Variants in CLEC4E observed in about 807,000 individuals in gnomAD.
CLEC4E encodes C-type (calcium dependent, carbohydrate-recognition domain) lectin, superfamily member 9.
A neutral mutation model predicts 24.7 loss-of-function variants in CLEC4E; 21 were observed. That is an observed-to-expected ratio of 0.85 (90% CI 0.60 to 1.22). CLEC4E has a LOEUF of 1.22. CLEC4E is among the 50% of genes most tolerant of loss of function. The probability of loss-of-function intolerance (pLI) is 0.00; values close to 1 mark genes in which losing one functional copy is unlikely to be tolerated. For missense variants in CLEC4E, 249 were observed against 254.1 expected, an observed-to-expected ratio of 0.98 and a Z score of 0.14; for synonymous variants, 94 against 85.7, an observed-to-expected ratio of 1.10 and a Z score of -0.54.
chr12:8,536,129 C>T lies in CLEC4E; in HGVS notation c.449G>A (p.Trp150Ter). 6.2e-7 allele frequency: 1 copy of T among 1,613,562 alleles called. No individual in the cohort carries two copies. Among genetic ancestry groups the T allele is most frequent in the South Asian group, 1.1e-5 (1 of 91,072 alleles). ...GLSDQVVEGQ[W>*]QWVDGTPLTK... ...CAAAGGTGTGCCGTCCACCCATTGC[C>T]ACTGACCCTCGACAACCTGGTCTGA... is the stretch of plus-strand genomic sequence containing the variant. Residue 150 changes from tryptophan to a stop codon, truncating the protein, a stop_gained, in exon 5 of 6, where the codon TGG becomes TAG. Transcript: ENST00000299663. LOFTEE classifies it low-confidence loss of function (END_TRUNC).
rs1940608839 is a variant in CLEC4E, at chr12:8,536,077, G to A, written c.488+13C>T. 1 of 1,533,608 alleles carries A rather than the reference G, an allele frequency of 6.5e-7. No individual in the cohort carries two copies. The highest frequency in any genetic ancestry group is 1.4e-5 in the African/African-American group (1 of 73,216). On this transcript the variant is annotated intron_variant, in intron 5 of 5. Transcript: ENST00000299663. ...GAGGTTTCAAGAACTCCTCTCAATA[G>A]GAGGGTAATTACCTCAGAGACTTTG...
At chr12:8,536,290 A>G (rs868668000) in intron 4 of CLEC4E, 85 bp from the exon 5 acceptor site, 2 of 764,548 alleles carry the variant, frequency 2.6e-6, no homozygotes, top group Middle Eastern at 5.1e-4. Flanking sequence ...AGAGGTAAGA[A>G]TCTGGATGAG....
intron 3 of CLEC4E, 73 bp from the exon 4 acceptor site, chr12:8,537,339 A>T (rs1940629636): frequency 7.0e-7 from 1 of 1,429,890 alleles, no homozygotes; most frequent in Admixed American, 1.9e-5. Flanking sequence ...ATCTGGCCCC[A>T]TGGAGTCCTC....
intron 4 of CLEC4E, 45 bp downstream of exon 4, chr12:8,537,070 G>C (rs552457608): frequency 6.3e-7 from 1 of 1,577,682 alleles, no homozygotes; most frequent in South Asian, 1.1e-5. Flanking sequence ...AAGAGAGGTG[G>C]ACCATGTCGG....
chr12:8,536,833 T>A (rs1240576261), intron 4 of CLEC4E, among the ~76,000 whole-genome samples: 1 of 152,236 alleles, frequency 6.6e-6, no homozygotes, highest in Non-Finnish European at 1.5e-5. Flanking sequence ...TCATATAATA[T>A]GTTCATAAAC....
downstream of CLEC4E, chr12:8,533,301 A>G (rs1940569500): frequency 6.6e-6 from 1 of 152,222 alleles, no homozygotes; most frequent in African/African-American, 2.4e-5. Flanking sequence ...TAATAACGTC[A>G]TCAGTATTGG....
Position 8,534,760 on chromosome 12 carries a change from C to G in CLEC4E, c.538G>C (p.Ala180Pro). The change falls in exon 6 of 6, where the codon GCC becomes CCC. Residue 180 changes from alanine (A) to proline (P), a missense_variant. By Grantham distance (27) the Ala-to-Pro change is conservative (BLOSUM62 -1). Transcript: ENST00000299663. ...GGGTTTGAAGAGTCTCTCATGGTGGCACAGTCCTCCAGGGTAGCTATGTTG... is the reference window on the plus strand; with the variant it reads ...GGGTTTGAAGAGTCTCTCATGGTGGGACAGTCCTCCAGGGTAGCTATGTTG... ...PNNIATLEDCATMRDSSNPRQ... is the reference protein window; with the variant it reads ...PNNIATLEDCPTMRDSSNPRQ... 1 of 1,614,116 alleles carries G rather than the reference C, an allele frequency of 6.2e-7. No individual in the cohort carries two copies. The highest frequency in any genetic ancestry group is 1.7e-5 in the Admixed American group (1 of 60,020).
chr12:8,537,073 C>A lies in CLEC4E; in HGVS notation c.372+42G>T, dbSNP rs769210743. ...CATATGTATGAAAAGAGAGGTGGACCATGTCGGGAATGTTACATTGGCATC... is the reference window on the plus strand; with the variant it reads ...CATATGTATGAAAAGAGAGGTGGACAATGTCGGGAATGTTACATTGGCATC... On this transcript the variant is annotated intron_variant, in intron 4 of 5. Coordinates refer to ENST00000299663, the MANE Select transcript of CLEC4E (RefSeq NM_014358.4). The A allele has an allele frequency of 2.5e-6, 4 of 1,582,342 alleles. No individual in the cohort carries two copies. The South Asian group carries it at 4.5e-5, about 18-fold the overall frequency.
Position 8,534,391 on chromosome 12 carries a change from TA to T in CLEC4E, c.*246del, listed in dbSNP as rs1940582873. ...CGAACACTAAAAAATGAGGCAAATGTAGCAAAAGGTAGTGAATTGCTTTGTA... is the reference window on the plus strand; with the variant it reads ...CGAACACTAAAAAATGAGGCAAATGTGCAAAAGGTAGTGAATTGCTTTGTA... On this transcript the variant is annotated 3_prime_UTR_variant, in exon 6 of 6. Transcript: ENST00000299663. 1 of 280,966 alleles carries T rather than the reference TA, an allele frequency of 3.6e-6. No homozygotes were observed. The highest frequency in any genetic ancestry group is 6.8e-5 in the East Asian group (1 of 14,604). The allele number at this position is 280,966 out of a possible 1,614,324, so 17.4% of individuals were successfully genotyped here.
At chr12:8,536,245 GT>G in intron 4 of CLEC4E, 40 bp from the exon 5 acceptor site, 1 of 1,184,894 alleles carries the variant, frequency 8.4e-7, no homozygotes, top group Non-Finnish European at 1.3e-6. Flanking sequence ...AGTTATTTTA[GT>G]TTTGAATAAA....
chr12:8,539,996 C>G (rs1481124990), intron 1 of CLEC4E, 49 bp from the exon 2 acceptor site: 1 of 1,143,148 alleles, frequency 8.7e-7, no homozygotes, highest in Non-Finnish European at 1.3e-6. Context: ...AAGCAAGGTA[C>G]AAAAGAGATA....
In CLEC4E at chr12:8,537,332, T is replaced by C; in HGVS notation, c.221-66A>G. 4.0e-6 allele frequency: 6 copies of C among 1,496,762 alleles called. No individual in the cohort carries two copies. The South Asian group carries it at 6.3e-5, about 16-fold the overall frequency. 92.7% of individuals were successfully genotyped at this position (1,496,762 alleles called of 1,614,324 possible). On this transcript the variant is annotated intron_variant, in intron 3 of 5. Coordinates refer to ENST00000299663, the MANE Select transcript of CLEC4E (RefSeq NM_014358.4). ...GAATAAGAAAACCCAAAGCTTCATC[T>C]GGCCCCATGGAGTCCTCATTTAAGT...
chr12:8,537,276 G>C lies in CLEC4E; in HGVS notation c.221-10C>G, dbSNP rs113024893. On this transcript the variant is annotated splice_polypyrimidine_tract_variant and intron_variant, in intron 3 of 5. Transcript: ENST00000299663. ...CAATTCTTGACTGAACCTAGGATGA[G>C]AGATGTTTCAGTGAGTGTCCCAGGT... 1 of 1,611,076 alleles carries C rather than the reference G, an allele frequency of 6.2e-7. No individual in the cohort carries two copies.
intron 4 of CLEC4E, among the ~76,000 whole-genome samples, chr12:8,536,605 G>A (rs1453257492): frequency 1.3e-5 from 2 of 152,136 alleles, no homozygotes; most frequent in Admixed American, 1.3e-4. Flanking sequence ...AAGTGAAACT[G>A]TAAGATCATG....
intron 4 of CLEC4E, 87 bp downstream of exon 4, chr12:8,537,028 A>G: frequency 8.3e-7 from 1 of 1,207,558 alleles, no homozygotes; most frequent in Non-Finnish European, 1.1e-6. Flanking sequence ...AACAATAGTC[A>G]TTGGGGGTCA....
At chr12:8,536,036 T>C (rs1224757678) in intron 5 of CLEC4E, 54 bp downstream of exon 5, 9 of 984,286 alleles carry the variant, frequency 9.1e-6, no homozygotes, top group South Asian at 1.3e-5. Flanking sequence ...ACCTGATCTA[T>C]TGCAGGTAAC....
rs553489041 is a variant in CLEC4E, at chr12:8,534,358, C to G, written c.*280G>C. ...TCTGTCTTGGCTCCGTGTCCCTGTACTTTCATACGAACACTAAAAAATGAG... is the reference window on the plus strand; with the variant it reads ...TCTGTCTTGGCTCCGTGTCCCTGTAGTTTCATACGAACACTAAAAAATGAG... On this transcript the variant is annotated 3_prime_UTR_variant, in exon 6 of 6. Transcript: ENST00000299663. 78 of 211,300 alleles carry G rather than the reference C, an allele frequency of 3.7e-4. No individual in the cohort carries two copies. Among genetic ancestry groups the G allele is most frequent in the Non-Finnish European group, 6.7e-4 (71 of 105,658 alleles). The allele number at this position is 211,300 out of a possible 1,614,324, so 13.1% of individuals were successfully genotyped here.
intron 3 of CLEC4E, among the ~76,000 whole-genome samples, chr12:8,538,687 G>A (rs915755583): frequency 6.6e-6 from 1 of 152,098 alleles, no homozygotes; most frequent in Non-Finnish European, 1.5e-5. Flanking sequence ...CTGTGGGGCT[G>A]GTCCCTACAG....
rs186592912 is a variant in CLEC4E, at chr12:8,535,509, G to C, written c.488+581C>G. Among the ~76,000 whole-genome samples the C allele has an allele frequency of 3.6e-3, 541 of 152,082 alleles. 4 individuals are homozygous for C. Among genetic ancestry groups the C allele is most frequent in the African/African-American group, 0.013 (521 of 41,474 alleles). ...TTTCTGCAGCAAACCAAACCACCAC[G>C]GCACACGTTTACCTATGTAACCTGC... On this transcript the variant is annotated intron_variant, in intron 5 of 5. Transcript: ENST00000299663.
Sources: allele counts gnomAD v4.1 joint callset (sites outside exome capture counted in the v4.1 genomes callset), GRCh38; gene constraint gnomAD v4.1.1; transcripts MANE v1.5; gene names NCBI Gene and HGNC (gene_info 2026-07-23, HGNC 2026-07-21).